The following GNA12 variants were observed in gnomAD, a reference collection of about 807,000 sequenced individuals.
GNA12 encodes the protein guanine nucleotide-binding protein subunit alpha-12.
A neutral mutation model predicts 26.0 loss-of-function variants in GNA12; 9 were observed. The ratio of observed to expected loss-of-function variants is 0.35; its 90% CI spans 0.21 to 0.60. GNA12 has a LOEUF of 0.60. Ranked by LOEUF, GNA12 falls within the 20% of genes least tolerant of loss-of-function variation. The probability of loss-of-function intolerance (pLI) is 0.78; values close to 1 mark genes in which losing one functional copy is unlikely to be tolerated. For synonymous variants in GNA12, 264 were observed against 219.6 expected, an observed-to-expected ratio of 1.20 and a Z score of -1.79; for missense variants, 405 against 525.8, an observed-to-expected ratio of 0.77 and a Z score of 2.25.
chr7:2,807,440 G>T (rs986545513), intron 1 of GNA12, among the ~76,000 whole-genome samples: 6 of 151,834 alleles, frequency 4.0e-5, no homozygotes, highest in African/African-American at 1.4e-4. Flanking sequence ...AAGGTATAAA[G>T]AACAATTTAA....
chr7:2,835,860 A>G (rs1473355277), intron 1 of GNA12: 5 of 602,762 alleles, frequency 8.3e-6, no homozygotes, highest in Non-Finnish European at 1.3e-5. Context: ...GCCATTCTCA[A>G]GAAGAAACAC....
chr7:2,744,408 G>C (rs1393846539), intron 2 of GNA12, among the ~76,000 whole-genome samples: 1 of 152,242 alleles, frequency 6.6e-6, no homozygotes, highest in Non-Finnish European at 1.5e-5. Flanking sequence ...CAAGCAAACA[G>C]GGTCTGGAGT....
intron 2 of GNA12, among the ~76,000 whole-genome samples, chr7:2,742,336 A>G (rs112444287): frequency 1.6e-3 from 249 of 152,264 alleles, no homozygotes; most frequent in African/African-American, 5.6e-3. Flanking sequence ...TTTTTGAAGA[A>G]GAGGGCTGCC....
chr7:2,780,051 C>CACATATATAT (rs1554259631), intron 2 of GNA12, among the ~76,000 whole-genome samples: 9 of 62,212 alleles, frequency 1.4e-4, no homozygotes, highest in East Asian at 8.9e-4. Context: ...TTTCTGTGTA[C>CACATATATAT]ATATATATAT....
In GNA12 at chr7:2,820,977, G is replaced by A. The variant is rs1350406121; in HGVS notation, c.309+22876C>T. ...GCTGGTCTTGAACTGCTGACTTCAA[G>A]AAACCTCCTGCCTTGGACTCCCAAA... On this transcript the variant is annotated intron_variant, in intron 1 of 3. Transcript: ENST00000275364. Among the ~76,000 whole-genome samples, 3 of 152,326 alleles carry A rather than the reference G, an allele frequency of 2.0e-5. No individual in the cohort carries two copies. In the East Asian group the frequency reaches 5.8e-4, roughly 29 times the overall value.
At position 2,731,781 on chromosome 7, in the gene GNA12, G is replaced by C. The variant is rs1302754329; in HGVS notation, c.577-31C>G. On this transcript the variant is annotated intron_variant, in intron 3 of 3. Coordinates refer to ENST00000275364, the MANE Select transcript of GNA12 (RefSeq NM_007353.3). The surrounding 1 kb of genome is among the most constrained non-coding windows in gnomAD (Gnocchi z 6.0). ...AAATACAGGATGAGGCAGAAATTTA[G>C]GGGGAGGAAGAAAGAACAGAGAAAA... 1 of 1,138,496 alleles carries C rather than the reference G, an allele frequency of 8.8e-7. No homozygotes were observed. The allele number at this position is 1,138,496 out of a possible 1,614,324, so 70.5% of individuals were successfully genotyped here. A position where few individuals can be genotyped will look rare whatever the true frequency, so the allele number is the denominator to read the frequency against.
chr7:2,764,805 C>G (rs1791736382), intron 2 of GNA12: 1 of 152,230 alleles, frequency 6.6e-6, no homozygotes, highest in Non-Finnish European at 1.5e-5. Context: ...CCGGCGGACC[C>G]TGAAGGGAAC....
At chr7:2,784,784 T>C (rs1792317914) in intron 2 of GNA12, among the ~76,000 whole-genome samples, 1 of 152,226 alleles carries the variant, frequency 6.6e-6, no homozygotes, top group South Asian at 2.1e-4. Context: ...AACACCTTTG[T>C]TATAGGTTGC....
chr7:2,815,688 CAGCGTGGTGCTCCCTGG>C (rs1793202594), intron 1 of GNA12, among the ~76,000 whole-genome samples: 2 of 152,206 alleles, frequency 1.3e-5, no homozygotes, highest in African/African-American at 4.8e-5. Context: ...CCTCCTGACC[CAGCGTGGTGCTCCCTGG>C]AGCCTGGTGC....
At chr7:2,737,987 G>A (rs962266590) in intron 2 of GNA12, among the ~76,000 whole-genome samples, 7 of 152,134 alleles carry the variant, frequency 4.6e-5, no homozygotes, top group African/African-American at 1.4e-4. Flanking sequence ...GGGCTGGCGT[G>A]AGATTAAATG....
chr7:2,758,278 A>C (rs1219364080), intron 2 of GNA12, among the ~76,000 whole-genome samples: 1 of 152,232 alleles, frequency 6.6e-6, no homozygotes, highest in East Asian at 1.9e-4. Context: ...TAATCCTAGC[A>C]CTTTAAGAAA....
At chr7:2,749,509 T>C (rs1247052198) in intron 2 of GNA12, among the ~76,000 whole-genome samples, 3 of 110,740 alleles carry the variant, frequency 2.7e-5, no homozygotes, top group East Asian at 3.0e-4. Flanking sequence ...CGGGGACTAT[T>C]GTGGGGTAGG....
chr7:2,786,376 G>A (rs1583280419), intron 2 of GNA12, among the ~76,000 whole-genome samples: 1 of 152,078 alleles, frequency 6.6e-6, no homozygotes, highest in East Asian at 1.9e-4. Flanking sequence ...AGACTGGTAC[G>A]AATCAAAAGA....
At chr7:2,824,697 A>G (rs1344299267) in intron 1 of GNA12, among the ~76,000 whole-genome samples, 2 of 152,224 alleles carry the variant, frequency 1.3e-5, no homozygotes, top group Non-Finnish European at 2.9e-5. Context: ...TGTAGTGCCC[A>G]TCACACACCA....
rs1243376688 is a variant in GNA12 at position 2,748,805 on chromosome 7, A to C, written c.526-15304T>G. ...CCAGAATCTACAATGAACTCAAACA[A>C]ATTTACAAGAAAAAAACAAACAACC... On this transcript the variant is annotated intron_variant, in intron 2 of 3. Transcript: ENST00000275364. Among the ~76,000 whole-genome samples the C allele has an allele frequency of 5.3e-5, 8 of 152,208 alleles. No individual in the cohort carries two copies. The East Asian group carries it at 1.3e-3, about 26-fold the overall frequency.
At chr7:2,745,757 G>A (rs1181956050) in intron 2 of GNA12, among the ~76,000 whole-genome samples, 4 of 152,198 alleles carry the variant, frequency 2.6e-5, no homozygotes, top group Admixed American at 1.3e-4. Flanking sequence ...CCATCAGTGT[G>A]CTGTATTCAG....
At chr7:2,760,943 C>T (rs1791525263) in intron 2 of GNA12, among the ~76,000 whole-genome samples, 2 of 152,224 alleles carry the variant, frequency 1.3e-5, no homozygotes, top group Admixed American at 6.5e-5. Flanking sequence ...CCCACTCCAG[C>T]TCCCCCTGTC....
chr7:2,795,314 C>G (rs1583288483), intron 1 of GNA12, among the ~76,000 whole-genome samples, 171 bp from the exon 2 acceptor site: 1 of 152,276 alleles, frequency 6.6e-6, no homozygotes, highest in East Asian at 1.9e-4. Context: ...AAAGTCTTAA[C>G]TCTCAGCAGT....
rs116358380 is a variant in GNA12 at position 2,734,539 on chromosome 7, G to T, written c.526-1038C>A. On this transcript the variant is annotated intron_variant, in intron 2 of 3. Coordinates refer to ENST00000275364, the MANE Select transcript of GNA12 (RefSeq NM_007353.3). ...AGAGAAGGCCATCAGAATGGACTACGTGATGGCGCTGAAGCTCGTGGCGTT... is the reference window on the plus strand; with the variant it reads ...AGAGAAGGCCATCAGAATGGACTACTTGATGGCGCTGAAGCTCGTGGCGTT... Among the ~76,000 whole-genome samples the T allele has an allele frequency of 1.3e-3, 199 of 152,320 alleles. 2 individuals are homozygous for T. The highest frequency in any genetic ancestry group is 4.4e-3 in the African/African-American group (185 of 41,584).
Sources: gnomAD v4.1 joint callset for allele counts (sites outside exome capture counted in the v4.1 genomes callset) on GRCh38, gnomAD v4.1.1 for gene constraint, Gnocchi (gnomAD v3.1) non-coding constraint, MANE v1.5 for transcripts, NCBI Gene and HGNC (gene_info 2026-07-23, HGNC 2026-07-21) for gene names.